DGKH: variants seen among roughly 807,000 people sequenced by gnomAD.
DGKH encodes the protein diacylglycerol kinase eta.
Under a neutral mutation model 159.3 loss-of-function variants are expected in DGKH, and 90 were observed. The ratio of observed to expected loss-of-function variants is 0.57; its 90% CI spans 0.48 to 0.67. DGKH has a LOEUF of 0.67. DGKH is among the 30% of genes least tolerant of loss of function. The pLI is 0.00. For synonymous variants in DGKH, 536 were observed against 553.8 expected (o/e 0.97, Z 0.45); for missense variants, 1,181 against 1,506.1 (o/e 0.78, Z 3.57).
intron 29 of DGKH, among the ~76,000 whole-genome samples, chr13:42,249,714 A>G (rs1424085461): frequency 6.6e-6 from 1 of 152,258 alleles, no homozygotes; most frequent in African/African-American, 2.4e-5. Context: ...CATAGCCCAC[A>G]GTATTAATTT....
chr13:42,199,977 A>C (rs1957308723), intron 20 of DGKH, 68 bp downstream of exon 20: 4 of 1,351,404 alleles, frequency 3.0e-6, no homozygotes, highest in Non-Finnish European at 4.0e-6. Context: ...TTTGGAGCTA[A>C]TTTGACCTAA....
At chr13:42,061,833 C>T (rs1882192879) in intron 1 of DGKH, among the ~76,000 whole-genome samples, 1 of 152,102 alleles carries the variant, frequency 6.6e-6, no homozygotes, top group Non-Finnish European at 1.5e-5. Flanking sequence ...GGTAAAAGAA[C>T]ATAAAAGCCC....
chr13:42,101,336 A>G (rs2137774645), intron 1 of DGKH, among the ~76,000 whole-genome samples: 1 of 152,362 alleles, frequency 6.6e-6, no homozygotes, highest in South Asian at 2.1e-4. Context: ...ATTAAGGCAC[A>G]TTGAGAACTA....
intron 1 of DGKH, among the ~76,000 whole-genome samples, chr13:42,052,524 C>T (rs1392323311): frequency 1.3e-5 from 2 of 152,230 alleles, no homozygotes; most frequent in East Asian, 3.8e-4. Context: ...AAATGGAGTC[C>T]TAACACTTGT....
Position 42,048,917 on chromosome 13 carries a change from C to A in DGKH, c.144C>A (p.Pro48=), listed in dbSNP as rs375510934. The change falls in exon 1 of 30, where the codon CCC becomes CCA. Residue 48 remains proline, a synonymous_variant. Transcript: ENST00000337343. This position sits in a 1 kb window ranked among gnomAD's most constrained non-coding sequence, Gnocchi z 6.7. ...SSDSEAEQEG[P]QKLIRKVSTS... ...ACAGCGAAGCGGAGCAAGAGGGACC[C>A]CAGAAACTGATCCGCAAAGTGTCTA... 1 of 1,338,106 alleles carries A rather than the reference C, an allele frequency of 7.5e-7. No individual in the cohort carries two copies. The allele number at this position is 1,338,106 out of a possible 1,614,324, so 82.9% of individuals were successfully genotyped here.
At chr13:42,168,646 G>C (rs1306236848) in intron 10 of DGKH, 33 bp from the exon 11 acceptor site, 1 of 1,613,938 alleles carries the variant, frequency 6.2e-7, no homozygotes, top group Non-Finnish European at 8.5e-7. Context: ...TTCTCAACTT[G>C]TCTGAAAGTC....
At chr13:42,083,814 G>C (rs1388867313) in intron 1 of DGKH, among the ~76,000 whole-genome samples, 1 of 152,164 alleles carries the variant, frequency 6.6e-6, no homozygotes, top group Non-Finnish European at 1.5e-5. Flanking sequence ...AATAAAAAGA[G>C]AGAGAAGAGA....
intron 23 of DGKH, among the ~76,000 whole-genome samples, 179 bp downstream of exon 23, chr13:42,209,644 C>A (rs931632769): frequency 6.6e-6 from 1 of 152,034 alleles, no homozygotes; most frequent in Non-Finnish European, 1.5e-5. Context: ...TTTTTAGAGC[C>A]ATTTTAGGTT....
intron 1 of DGKH, among the ~76,000 whole-genome samples, chr13:42,102,481 G>GTGTA (rs1386835846): frequency 6.6e-6 from 1 of 152,274 alleles, no homozygotes; most frequent in Non-Finnish European, 1.5e-5. Flanking sequence ...AGATGTTGGA[G>GTGTA]TGTAGGCAGC....
intron 1 of DGKH, among the ~76,000 whole-genome samples, chr13:42,063,173 G>A (rs1355803207): frequency 6.6e-6 from 1 of 152,106 alleles, no homozygotes; most frequent in Non-Finnish European, 1.5e-5. Context: ...AATGTATCTG[G>A]ACCTATTTTT....
chr13:42,187,576 A>G lies in DGKH; in HGVS notation c.1638+428A>G, dbSNP rs999462130. On this transcript the variant is annotated intron_variant, in intron 14 of 29. Transcript: ENST00000337343. Reference sequence around the variant, plus strand: ...TTTCTAGTAGAGACGGGGTTTCACCATGTTGGCCAGGCTGGTCTTGAACTC... The same window carrying G: ...TTTCTAGTAGAGACGGGGTTTCACCGTGTTGGCCAGGCTGGTCTTGAACTC... Among the ~76,000 whole-genome samples the G allele has an allele frequency of 2.0e-5, 3 of 152,262 alleles. No individual in the cohort carries two copies. The East Asian group carries it at 5.8e-4, about 29-fold the overall frequency.
chr13:42,099,177 C>T (rs988244117), intron 1 of DGKH, among the ~76,000 whole-genome samples: 13 of 152,226 alleles, frequency 8.5e-5, no homozygotes, highest in South Asian at 4.2e-4. Flanking sequence ...AGTTCACTGG[C>T]GCTTTCCGGC....
At chr13:42,207,690 AGT>A (rs66598234) in intron 21 of DGKH, among the ~76,000 whole-genome samples, 16,968 of 36,652 alleles carry the variant, frequency 0.46, 1,726 homozygotes, top group East Asian at 0.64. Context: ...CAATTATTAA[AGT>A]GTGTATATAT....
intron 16 of DGKH, among the ~76,000 whole-genome samples, chr13:42,192,340 T>G (rs1046213035): frequency 5.9e-5 from 9 of 152,176 alleles, no homozygotes; most frequent in African/African-American, 2.2e-4. Context: ...TGTTAGAAAG[T>G]CATTCTTTAT....
intron 1 of DGKH, among the ~76,000 whole-genome samples, chr13:42,073,386 A>G (rs2137699029): frequency 6.6e-6 from 1 of 152,248 alleles, no homozygotes; most frequent in African/African-American, 2.4e-5. Context: ...TTGACTTTTG[A>G]TGGTTTGACT....
At chr13:42,201,909 T>C (rs1379410660) in intron 20 of DGKH, among the ~76,000 whole-genome samples, 1 of 152,204 alleles carries the variant, frequency 6.6e-6, no homozygotes, top group Non-Finnish European at 1.5e-5. Context: ...TATAAAAATG[T>C]CTCATTTCGA....
chr13:42,248,171 C>T (rs1452628579), intron 29 of DGKH, among the ~76,000 whole-genome samples: 1 of 152,064 alleles, frequency 6.6e-6, no homozygotes, highest in Non-Finnish European at 1.5e-5. Context: ...CCTGTAATCC[C>T]AGCACTTTGG....
At chr13:42,159,411 T>A in intron 6 of DGKH, 39 bp downstream of exon 6, 1 of 1,349,304 alleles carries the variant, frequency 7.4e-7, no homozygotes, top group Non-Finnish European at 1.1e-6. Flanking sequence ...TCCCACTAAC[T>A]CCTCTTTTAT....
At position 42,061,976 on chromosome 13, in the gene DGKH, A is replaced by AGAGTGTGTGTGG. The variant is rs1555256114; in HGVS notation, c.192+13012_192+13013insAGTGTGTGTGGG. 7.1e-3 allele frequency among the ~76,000 whole-genome samples: 561 copies of AGAGTGTGTGTGG among 78,534 alleles called. 13 individuals are homozygous for AGAGTGTGTGTGG. In the East Asian group the frequency reaches 0.11, roughly 15 times the overall value. The allele number at this position is 78,534 out of a possible 152,430, so 51.5% of individuals were successfully genotyped here. A position where few individuals can be genotyped will look rare whatever the true frequency, so the allele number is the denominator to read the frequency against. On this transcript the variant is annotated intron_variant, in intron 1 of 29. Coordinates refer to ENST00000337343, the MANE Select transcript of DGKH (RefSeq NM_178009.5). ...GCAGGGTAAAGGGAGAAAGATGGAG[A>AGAGTGTGTGTGG]GTGTGTGTGTGGGTGTGTGTGTGTG...
Sources: gnomAD v4.1 joint callset for allele counts (sites outside exome capture counted in the v4.1 genomes callset) on GRCh38, gnomAD v4.1.1 for gene constraint, Gnocchi (gnomAD v3.1) non-coding constraint, MANE v1.5 for transcripts, NCBI Gene and HGNC (gene_info 2026-07-23, HGNC 2026-07-21) for gene names.